The following DCHS2 variants were observed in gnomAD, a reference collection of about 807,000 sequenced individuals.
DCHS2 encodes protocadherin-23.
DCHS2 carries 142 observed loss-of-function variants against 182.4 expected under a neutral mutation model. The observed-to-expected ratio is 0.78, with a 90% CI of 0.68 to 0.89. DCHS2 has a LOEUF of 0.89. DCHS2 is among the 40% of genes least tolerant of loss of function. DCHS2 has a pLI of 0.00. For missense variants in DCHS2, 4,319 were observed against 4,198.6 expected, an observed-to-expected ratio of 1.03 and a Z score of -0.79; for synonymous variants, 1,740 against 1,663.3, an observed-to-expected ratio of 1.05 and a Z score of -1.12.
At chr4:154,470,048 C>T (rs868226522) in intron 1 of DCHS2, among the ~76,000 whole-genome samples, 1 of 151,860 alleles carries the variant, frequency 6.6e-6, no homozygotes, top group Admixed American at 6.6e-5. Context: ...GGGCCTGAGA[C>T]GTAGTGGGTG....
chr4:154,323,087 T>A (rs1736139883), intron 7 of DCHS2: 1 of 1,117,276 alleles, frequency 9.0e-7, no homozygotes, highest in African/African-American at 1.5e-5. Context: ...TATTTGTCCT[T>A]GCAATTTATT....
At chr4:154,406,335 C>T (rs1243567525) in intron 1 of DCHS2, among the ~76,000 whole-genome samples, 1 of 152,238 alleles carries the variant, frequency 6.6e-6, no homozygotes, top group Non-Finnish European at 1.5e-5. Context: ...TCAAACTATG[C>T]CTCATTTTGC....
At chr4:154,346,941 T>C (rs1456227479) in intron 3 of DCHS2, among the ~76,000 whole-genome samples, 4 of 151,848 alleles carry the variant, frequency 2.6e-5, no homozygotes, top group African/African-American at 7.3e-5. Flanking sequence ...CAGATTTGTA[T>C]GTATCTAACT....
chr4:154,462,434 T>A (rs1735048655), intron 1 of DCHS2, among the ~76,000 whole-genome samples: 1 of 152,156 alleles, frequency 6.6e-6, no homozygotes, highest in African/African-American at 2.4e-5. Flanking sequence ...ACATGTAAGG[T>A]AGGTAAGAAA....
At position 154,320,710 on chromosome 4, in the gene DCHS2, G is replaced by A. The variant is rs971713032; in HGVS notation, c.4689C>T (p.His1563=). The change falls in exon 9 of 20, where the codon CAC becomes CAT. Residue 1563 remains histidine (H), a synonymous_variant. Transcript: ENST00000357232. ...CAGTGACTAGTGTGCCAAATGAGGGGTGGATGAGAAATGGATTCGTGCCAG... is the reference window on the plus strand; with the variant it reads ...CAGTGACTAGTGTGCCAAATGAGGGATGGATGAGAAATGGATTCGTGCCAG... The part of the protein sequence containing the change: ...HNPGTNPFLI[H]PSFGTLVTVS... 1 of 1,613,970 alleles carries A rather than the reference G, an allele frequency of 6.2e-7. No individual in the cohort carries two copies. Among genetic ancestry groups the A allele is most frequent in the African/African-American group, 1.3e-5 (1 of 74,896 alleles).
intron 1 of DCHS2, among the ~76,000 whole-genome samples, chr4:154,447,714 T>C (rs1322288065): frequency 6.6e-6 from 1 of 152,162 alleles, no homozygotes; most frequent in African/African-American, 2.4e-5. Flanking sequence ...TGTGGTGCTG[T>C]CTTTACTGAG....
At chr4:154,432,317 C>A (rs994330155) in intron 1 of DCHS2, among the ~76,000 whole-genome samples, 1 of 152,166 alleles carries the variant, frequency 6.6e-6, no homozygotes, top group African/African-American at 2.4e-5. Context: ...TTATCTACAA[C>A]TATGATTTGT....
At chr4:154,269,804 A>G (rs1733484738) in intron 14 of DCHS2, 96 bp downstream of exon 14, 1 of 1,450,378 alleles carries the variant, frequency 6.9e-7, no homozygotes. Context: ...TACCTTTTAA[A>G]TTACTTAGCT....
chr4:154,360,600 G>A (rs1371678463), intron 3 of DCHS2, among the ~76,000 whole-genome samples: 1 of 152,076 alleles, frequency 6.6e-6, no homozygotes, highest in Non-Finnish European at 1.5e-5. Flanking sequence ...AATGTTCAAC[G>A]TTAAATGTAG....
chr4:154,380,110 C>A (rs978073082), intron 1 of DCHS2, among the ~76,000 whole-genome samples: 1 of 152,108 alleles, frequency 6.6e-6, no homozygotes, highest in East Asian at 1.9e-4. Context: ...GTTAGTAGTG[C>A]CTAGACTGAG....
At chr4:154,459,556 C>T (rs1734919524) in intron 1 of DCHS2, among the ~76,000 whole-genome samples, 1 of 152,068 alleles carries the variant, frequency 6.6e-6, no homozygotes, top group African/African-American at 2.4e-5. Context: ...CCTTCCCTTG[C>T]CCTGCTCTGC....
chr4:154,297,814 C>T (rs772439210), intron 13 of DCHS2, 37 bp downstream of exon 13: 6 of 1,569,158 alleles, frequency 3.8e-6, no homozygotes, highest in Non-Finnish European at 5.2e-6. Context: ...TTTGTCAAAA[C>T]AGGTACAATA....
In DCHS2 at chr4:154,242,682, G is replaced by C; in HGVS notation, c.7032C>G (p.Ala2344=). The change falls in exon 17 of 20, where the codon GCC becomes GCG. Residue 2344 remains alanine, a synonymous_variant. Coordinates refer to ENST00000357232, the MANE Select transcript of DCHS2 (RefSeq NM_001358235.2). ...KVQVTDINDN[A]PAFLPSEAVE... is the part of the protein sequence containing the mutation. ...CTGCTTCAGAGGGGAGAAAAGCTGG[G>C]GCATTGTCATTTATATCAGTCACCT... 1.2e-6 allele frequency: 2 copies of C among 1,612,826 alleles called. No homozygotes were observed. The highest frequency in any genetic ancestry group is 1.7e-6 in the Non-Finnish European group (2 of 1,179,310).
At chr4:154,317,595 AT>A (rs1212798372) in intron 9 of DCHS2, among the ~76,000 whole-genome samples, 5 of 152,184 alleles carry the variant, frequency 3.3e-5, no homozygotes, top group Admixed American at 3.3e-4. Context: ...TATATCTGAG[AT>A]TTTTTTCATT....
At chr4:154,383,281 G>C (rs1443683625) in intron 1 of DCHS2, among the ~76,000 whole-genome samples, 1 of 151,972 alleles carries the variant, frequency 6.6e-6, no homozygotes, top group Non-Finnish European at 1.5e-5. Flanking sequence ...TGGGAGTTAT[G>C]GGTATAAAGA....
At chr4:154,334,041 G>A (rs1228240504) in intron 4 of DCHS2, 1 of 153,262 alleles carries the variant, frequency 6.5e-6, no homozygotes, top group African/African-American at 2.4e-5. Context: ...CAAAGAGCAA[G>A]CCACAGGTTT....
rs773431667 is a variant in DCHS2 at position 154,234,676 on chromosome 4, GAGTCATGCCTTCTGGC to G, written c.9960_9975del (p.Glu3322IlefsTer9). ...AGGGAAAGAGATGGAGAAAAATTGG[GAGTCATGCCTTCTGGC>G]AGAGAACCAAGATGGTAGGGGATGG... On this transcript the variant is annotated frameshift_variant, in exon 20 of 20. Transcript: ENST00000357232. LOFTEE classifies it low-confidence loss of function (END_TRUNC). 1 of 1,614,044 alleles carries G rather than the reference GAGTCATGCCTTCTGGC, an allele frequency of 6.2e-7. No homozygotes were observed. Among genetic ancestry groups the G allele is most frequent in the Non-Finnish European group, 8.5e-7 (1 of 1,179,966 alleles).
chr4:154,428,612 A>G (rs1733429791), intron 1 of DCHS2, among the ~76,000 whole-genome samples: 1 of 152,066 alleles, frequency 6.6e-6, no homozygotes, highest in African/African-American at 2.4e-5. Flanking sequence ...TGTTGAGGCC[A>G]ATGAAAATGA....
At chr4:154,417,284 G>A (rs1029944402) in intron 1 of DCHS2, among the ~76,000 whole-genome samples, 1 of 148,584 alleles carries the variant, frequency 6.7e-6, no homozygotes, top group South Asian at 2.2e-4. Flanking sequence ...CATTCTTCCC[G>A]TTTACAGTGC....
Sources: allele counts gnomAD v4.1 joint callset (sites outside exome capture counted in the v4.1 genomes callset), GRCh38; gene constraint gnomAD v4.1.1; transcripts MANE v1.5; gene names NCBI Gene and HGNC (gene_info 2026-07-23, HGNC 2026-07-21).